The following IFI30 variants were observed in gnomAD, a reference collection of about 807,000 sequenced individuals.
IFI30 encodes gamma-interferon-inducible lysosomal thiol reductase.
In IFI30, 26 loss-of-function variants were observed where a neutral mutation model predicts 30.1. The ratio of observed to expected loss-of-function variants is 0.87; its 90% CI spans 0.63 to 1.20. The LOEUF (loss-of-function observed/expected upper bound fraction) is 1.20. IFI30 is among the 50% of genes most tolerant of loss of function. The pLI, the probability that IFI30 is intolerant of heterozygous loss-of-function variation, is 0.00. For synonymous variants in IFI30, 149 were observed against 134.5 expected (o/e 1.11, Z -0.75); for missense variants, 296 against 312.5 (o/e 0.95, Z 0.40).
chr19:18,178,010 T>G lies in IFI30; in HGVS notation c.*99T>G, dbSNP rs555213418. ...CCCTCGGCACCTGCTACTTACCAAC[T>G]GGAAAATTTTATGCATCCCATGAAG... On this transcript the variant is annotated 3_prime_UTR_variant, in exon 7 of 7. Coordinates refer to ENST00000407280, the MANE Select transcript of IFI30 (RefSeq NM_006332.5). The G allele has an allele frequency of 8.3e-5, 105 of 1,257,558 alleles. No homozygotes were observed. Among genetic ancestry groups the G allele is most frequent in the Middle Eastern group, 5.3e-4 (2 of 3,808 alleles). The allele number at this position is 1,257,558 out of a possible 1,614,324, so 77.9% of individuals were successfully genotyped here. A position where few individuals can be genotyped will look rare whatever the true frequency, so the allele number is the denominator to read the frequency against.
At position 18,177,059 on chromosome 19, in the gene IFI30, G is replaced by C. The variant is rs566619548; in HGVS notation, c.484-81G>C. 5.3e-5 allele frequency: 74 copies of C among 1,397,480 alleles called. No individual in the cohort carries two copies. The African/African-American group carries it at 9.5e-4, about 18-fold the overall frequency. 86.6% of individuals were successfully genotyped at this position (1,397,480 alleles called of 1,614,324 possible). A position where few individuals can be genotyped will look rare whatever the true frequency, so the allele number is the denominator to read the frequency against. On this transcript the variant is annotated intron_variant, in intron 4 of 6. Coordinates refer to ENST00000407280, the MANE Select transcript of IFI30 (RefSeq NM_006332.5). ...TACCCTCTTCTCAGTGACGAAACAGGCTTGGCTCAGGGCTGGTGGGCGGGA... is the reference window on the plus strand; with the variant it reads ...TACCCTCTTCTCAGTGACGAAACAGCCTTGGCTCAGGGCTGGTGGGCGGGA...
At chr19:18,177,037 C>T (rs1451350246) in intron 4 of IFI30, 103 bp from the exon 5 acceptor site, 1 of 1,229,782 alleles carries the variant, frequency 8.1e-7, no homozygotes, top group Non-Finnish European at 1.1e-6. Context: ...CCAACTGTAC[C>T]CTCTTCTCAG....
intron 5 of IFI30, 105 bp from the exon 6 acceptor site, chr19:18,177,606 G>C: frequency 7.5e-7 from 1 of 1,340,402 alleles, no homozygotes; most frequent in Non-Finnish European, 1.1e-6. Context: ...GGCGGGAGGC[G>C]GGGGCCAGAC....
intron 1 of IFI30, 95 bp downstream of exon 1, chr19:18,174,068 C>A: frequency 8.2e-7 from 1 of 1,221,576 alleles, no homozygotes. Flanking sequence ...CAGGGGAAGA[C>A]CAGGGCCCCG....
In IFI30 at chr19:18,173,936, T is replaced by C; in HGVS notation, c.95T>C (p.Leu32Ser). Residue 32 changes from leucine to serine, a missense_variant, in exon 1 of 7, where the codon TTA becomes TCA. Coordinates refer to ENST00000407280, the MANE Select transcript of IFI30 (RefSeq NM_006332.5). ...AAVQASPLQALDFFGNGPPVN... is the reference protein window; with the variant it reads ...AAVQASPLQASDFFGNGPPVN... Reference sequence around the variant, plus strand: ...GTGCAGGCGTCCCCTCTGCAAGCGTTAGACTTCTTTGGGAATGGGCCACCA... The same window carrying C: ...GTGCAGGCGTCCCCTCTGCAAGCGTCAGACTTCTTTGGGAATGGGCCACCA... 1 of 1,551,466 alleles carries C rather than the reference T, an allele frequency of 6.4e-7. No homozygotes were observed. The highest frequency in any genetic ancestry group is 8.7e-7 in the Non-Finnish European group (1 of 1,147,228).
intron 5 of IFI30, 45 bp from the exon 6 acceptor site, chr19:18,177,666 G>A (rs199599038): frequency 6.2e-7 from 1 of 1,606,946 alleles, no homozygotes; most frequent in African/African-American, 1.3e-5. Context: ...TGCATGGGTT[G>A]GGGTAGCTGC....
chr19:18,177,438 G>T, intron 5 of IFI30, 146 bp downstream of exon 5: 1 of 964,508 alleles, frequency 1.0e-6, no homozygotes, highest in South Asian at 1.7e-5. Flanking sequence ...TGGGCAACAA[G>T]AGCAAAACTT....
chr19:18,174,898 G>A, intron 1 of IFI30, 142 bp from the exon 2 acceptor site: 3 of 599,730 alleles, frequency 5.0e-6, no homozygotes, highest in Non-Finnish European at 5.7e-6. Flanking sequence ...TCAAAGTCAA[G>A]ATTCCACCTG....
Position 18,173,913 on chromosome 19 carries a change from G to T in IFI30, c.72G>T (p.Val24=), listed in dbSNP as rs1227797940. The T allele has an allele frequency of 6.4e-7, 1 of 1,551,348 alleles. No individual in the cohort carries two copies. The change falls in exon 1 of 7, where the codon GTG becomes GTT. Residue 24 remains valine, a synonymous_variant. Transcript: ENST00000407280. ...LLLLDVPTAA[V]QASPLQALDF... is the part of the protein sequence containing the mutation. ...TGCTGGACGTCCCCACGGCGGCGGT[G>T]CAGGCGTCCCCTCTGCAAGCGTTAG...
intron 1 of IFI30, 47 bp downstream of exon 1, chr19:18,174,020 G>A (rs1208101347): frequency 2.9e-5 from 43 of 1,503,318 alleles, no homozygotes; most frequent in Non-Finnish European, 3.6e-5. Flanking sequence ...CAGGCGCCCT[G>A]TCGGGGCACG....
chr19:18,176,089 C>T (rs1228439277), intron 4 of IFI30, among the ~76,000 whole-genome samples: 1 of 149,994 alleles, frequency 6.7e-6, no homozygotes, highest in Non-Finnish European at 1.5e-5. Flanking sequence ...GATCCGCCTG[C>T]CTTGGCCTCC....
intron 5 of IFI30, 40 bp from the exon 6 acceptor site, chr19:18,177,671 A>G: frequency 1.2e-6 from 2 of 1,608,458 alleles, no homozygotes; most frequent in Non-Finnish European, 1.7e-6. Flanking sequence ...GGGTTGGGGT[A>G]GCTGCTGGGA....
intron 4 of IFI30, among the ~76,000 whole-genome samples, chr19:18,176,555 T>C (rs909017747): frequency 2.6e-5 from 4 of 152,100 alleles, no homozygotes; most frequent in Admixed American, 2.6e-4. Flanking sequence ...ATTTCTGAGC[T>C]GGGCATGGAA....
chr19:18,175,653 G>T lies in IFI30; in HGVS notation c.439G>T (p.Val147Phe). 1 of 1,610,784 alleles carries T rather than the reference G, an allele frequency of 6.2e-7. No individual in the cohort carries two copies. Among genetic ancestry groups the T allele is most frequent in the Non-Finnish European group, 8.5e-7 (1 of 1,178,572 alleles). The change falls in exon 4 of 7, where the codon GTC becomes TTC. Residue 147 changes from valine (V) to phenylalanine (F), a missense_variant. Physicochemically the swap from Val to Phe is conservative, Grantham distance 50 (BLOSUM62 -1). Transcript: ENST00000407280. ...CATGGAGCTAGCCTTCCTGACCATT[G>T]TCTGCATGGAAGAGTTTGAGGACAT... ...LDMELAFLTI[V>F]CMEEFEDMER...
In IFI30 at chr19:18,173,818, C is replaced by G. The variant is rs1041228135; in HGVS notation, c.-24C>G. On this transcript the variant is annotated 5_prime_UTR_variant, in exon 1 of 7. Coordinates refer to ENST00000407280, the MANE Select transcript of IFI30 (RefSeq NM_006332.5). ...TTATTTCCCAGGCAGCCGCTGCAGTCGCCACACCTTTGCCCCTGCTGCGAT... is the reference window on the plus strand; with the variant it reads ...TTATTTCCCAGGCAGCCGCTGCAGTGGCCACACCTTTGCCCCTGCTGCGAT... 35 of 1,522,840 alleles carry G rather than the reference C, an allele frequency of 2.3e-5. No individual in the cohort carries two copies. Among genetic ancestry groups the G allele is most frequent in the Non-Finnish European group, 3.1e-5 (35 of 1,134,632 alleles). 94.3% of individuals were successfully genotyped at this position (1,522,840 alleles called of 1,614,324 possible).
At position 18,178,009 on chromosome 19, in the gene IFI30, C is replaced by A. The variant is rs1299629134; in HGVS notation, c.*98C>A. The A allele has an allele frequency of 3.1e-6, 4 of 1,280,980 alleles. No individual in the cohort carries two copies. Among genetic ancestry groups the A allele is most frequent in the African/African-American group, 1.5e-5 (1 of 67,456 alleles). 79.4% of individuals were successfully genotyped at this position (1,280,980 alleles called of 1,614,324 possible). ...ACCCTCGGCACCTGCTACTTACCAA[C>A]TGGAAAATTTTATGCATCCCATGAA... On this transcript the variant is annotated 3_prime_UTR_variant, in exon 7 of 7. Transcript: ENST00000407280.
intron 3 of IFI30, 34 bp downstream of exon 3, chr19:18,175,419 G>A: frequency 6.4e-7 from 1 of 1,558,696 alleles, no homozygotes; most frequent in Non-Finnish European, 8.7e-7. Context: ...CTGGGGTGGG[G>A]GAAAACTGTC....
In IFI30 at chr19:18,175,364, G is replaced by A. The variant is rs1476067787; in HGVS notation, c.369G>A (p.Glu123=). 6.3e-7 allele frequency: 1 copy of A among 1,592,720 alleles called. No homozygotes were observed. Among genetic ancestry groups the A allele is most frequent in the East Asian group, 2.3e-5 (1 of 43,842 alleles). Residue 123 remains glutamate (E), a synonymous_variant, in exon 3 of 7, where the codon GAG becomes GAA. Transcript: ENST00000407280. ...WEFKCQHGEE[E]CKFNKVEACV... ...TCAAGTGCCAGCATGGAGAAGAGGAGTGCAAATTCAACAAGGTGGAGGTGA... is the reference window on the plus strand; with the variant it reads ...TCAAGTGCCAGCATGGAGAAGAGGAATGCAAATTCAACAAGGTGGAGGTGA...
intron 1 of IFI30, 155 bp from the exon 2 acceptor site, chr19:18,174,885 G>T: frequency 5.4e-6 from 3 of 551,872 alleles, no homozygotes; most frequent in Non-Finnish European, 9.4e-6. Context: ...AAAAAAAAAA[G>T]TCTCAAAGTC....
Sources: allele counts gnomAD v4.1 joint callset (sites outside exome capture counted in the v4.1 genomes callset), GRCh38; gene constraint gnomAD v4.1.1; transcripts MANE v1.5; gene names NCBI Gene and HGNC (gene_info 2026-07-23, HGNC 2026-07-21).